KSR2: variants seen among roughly 807,000 people sequenced by gnomAD.
The protein encoded by KSR2 is kinase suppressor of ras 2.
In KSR2, 25 loss-of-function variants were observed where a neutral mutation model predicts 107.8. That is an observed-to-expected ratio of 0.23 (90% confidence interval 0.17 to 0.32). KSR2 has a LOEUF of 0.32. KSR2 is among the 10% of genes least tolerant of loss of function. The pLI is 1.00. For missense variants in KSR2, 887 were observed against 1,268.9 expected, an observed-to-expected ratio of 0.70 and a Z score of 4.57; for synonymous variants, 480 against 507.0, an observed-to-expected ratio of 0.95 and a Z score of 0.71.
chr12:117,469,922 C>T (rs1033550836), intron 18 of KSR2, 127 bp from the exon 19 acceptor site: 45 of 744,508 alleles, frequency 6.0e-5, no homozygotes, highest in Non-Finnish European at 9.3e-5. Flanking sequence ...ATCATCCATT[C>T]ATCCATCCAT....
intron 1 of KSR2, among the ~76,000 whole-genome samples, chr12:117,870,901 G>C (rs951685619): frequency 6.6e-6 from 1 of 152,168 alleles, no homozygotes; most frequent in African/African-American, 2.4e-5. Flanking sequence ...GAACAAGAGT[G>C]TACTCAGCCG....
intron 3 of KSR2, among the ~76,000 whole-genome samples, chr12:117,801,828 G>C (rs1217087505): frequency 1.0e-5 from 1 of 96,514 alleles, no homozygotes; most frequent in East Asian, 3.7e-4. Context: ...CAGGGAAGCA[G>C]GAAGTACCGT....
At chr12:117,614,745 T>A (rs1032269501) in intron 5 of KSR2, among the ~76,000 whole-genome samples, 6 of 152,248 alleles carry the variant, frequency 3.9e-5, no homozygotes, top group Non-Finnish European at 8.8e-5. Flanking sequence ...AATTTACGCC[T>A]GTGAAATAAT....
intron 4 of KSR2, among the ~76,000 whole-genome samples, chr12:117,741,928 C>A (rs1888234278): frequency 6.6e-6 from 1 of 152,164 alleles, no homozygotes. Context: ...TATCTCCCCA[C>A]AAGATACTTA....
intron 3 of KSR2, among the ~76,000 whole-genome samples, chr12:117,786,355 G>A (rs1332860768): frequency 1.3e-5 from 2 of 151,804 alleles, no homozygotes; most frequent in East Asian, 1.9e-4. Flanking sequence ...TTTAGGTTCA[G>A]TGGTACATGT....
chr12:117,773,065 G>A (rs772610560), intron 3 of KSR2, among the ~76,000 whole-genome samples: 6 of 152,158 alleles, frequency 3.9e-5, no homozygotes, highest in Non-Finnish European at 7.3e-5. Context: ...TCTCTCTGCC[G>A]AAGCTTCAGC....
At chr12:117,804,201 G>A (rs1172706738) in intron 3 of KSR2, among the ~76,000 whole-genome samples, 3 of 152,126 alleles carry the variant, frequency 2.0e-5, no homozygotes, top group East Asian at 3.9e-4. Context: ...GTGCCACCAC[G>A]CCCGGCTAAT....
At chr12:117,755,159 A>C (rs1423909122) in intron 4 of KSR2, among the ~76,000 whole-genome samples, 1 of 152,224 alleles carries the variant, frequency 6.6e-6, no homozygotes, top group Non-Finnish European at 1.5e-5. Flanking sequence ...CTACTCCCTG[A>C]TGGGGTTTAT....
At chr12:117,674,526 C>T (rs928518207) in intron 4 of KSR2, 26 of 400,534 alleles carry the variant, frequency 6.5e-5, no homozygotes, top group South Asian at 4.4e-4. Flanking sequence ...TTTCCTCCAG[C>T]CCCTGCACCA....
chr12:117,527,302 GACACACACACACACAC>G (rs754390805), intron 12 of KSR2, among the ~76,000 whole-genome samples, 183 bp from the exon 13 acceptor site: 1 of 67,678 alleles, frequency 1.5e-5, no homozygotes, highest in South Asian at 6.1e-4. Flanking sequence ...CACACACACA[GACACACACACACACAC>G]ACACACAGAC....
At chr12:117,542,849 G>T (rs920798177) in intron 9 of KSR2, among the ~76,000 whole-genome samples, 1 of 152,200 alleles carries the variant, frequency 6.6e-6, no homozygotes, top group East Asian at 1.9e-4. Flanking sequence ...GAATCATACA[G>T]TATGTAACCT....
Position 117,738,299 on chromosome 12 carries a change from TACC to T in KSR2, c.986+22709_986+22711del, listed in dbSNP as rs572278527. Among the ~76,000 whole-genome samples, 26 of 152,342 alleles carry T rather than the reference TACC, an allele frequency of 1.7e-4. No individual in the cohort carries two copies. In the South Asian group the frequency reaches 5.4e-3, roughly 32 times the overall value. On this transcript the variant is annotated intron_variant, in intron 4 of 19. Transcript: ENST00000339824. ...ATTAAATAAGAAAACGCATTCTATG[TACC>T]ATCATGCATCACTTAACGACAGGGA...
At chr12:117,624,269 CTTTTGGTGT>C (rs1038900367) in intron 5 of KSR2, among the ~76,000 whole-genome samples, 38 of 152,124 alleles carry the variant, frequency 2.5e-4, no homozygotes, top group Non-Finnish European at 1.2e-4. Context: ...GTTGCCATTG[CTTTTGGTGT>C]TTTAGTCACG....
chr12:117,962,187 T>C (rs565805542), intron 1 of KSR2, among the ~76,000 whole-genome samples: 125 of 148,420 alleles, frequency 8.4e-4, no homozygotes, highest in South Asian at 4.6e-3. Context: ...ACCCTTGCTA[T>C]ACAAGGAGAT....
At chr12:117,468,497 A>T (rs1871264373) in intron 19 of KSR2, among the ~76,000 whole-genome samples, 1 of 152,228 alleles carries the variant, frequency 6.6e-6, no homozygotes, top group African/African-American at 2.4e-5. Flanking sequence ...AGGTTCAGCA[A>T]GCTCAAATGG....
chr12:117,944,303 G>A (rs1006643344), intron 1 of KSR2, among the ~76,000 whole-genome samples: 7 of 152,296 alleles, frequency 4.6e-5, no homozygotes, highest in Admixed American at 3.9e-4. Flanking sequence ...TTGAACCCGG[G>A]AGACGGAGGT....
rs1442234308 is a variant in KSR2 at position 117,463,623 on chromosome 12, A to C, written c.*3576T>G. On this transcript the variant is annotated 3_prime_UTR_variant, in exon 20 of 20. Coordinates refer to ENST00000339824, the MANE Select transcript of KSR2 (RefSeq NM_173598.6). ...AATATTATTCTTTTGATTTTTCCTC[A>C]ATTAAAACATGTAAAAACCATTTGG... The C allele has an allele frequency of 6.6e-6, 1 of 152,188 alleles. No homozygotes were observed. The highest frequency in any genetic ancestry group is 1.5e-5 in the Non-Finnish European group (1 of 68,042). The allele number at this position is 152,188 out of a possible 1,614,324, so 9.4% of individuals were successfully genotyped here.
At chr12:117,923,259 T>C (rs1390446511) in intron 1 of KSR2, among the ~76,000 whole-genome samples, 1 of 152,174 alleles carries the variant, frequency 6.6e-6, no homozygotes, top group Non-Finnish European at 1.5e-5. Context: ...AAATAAGGTG[T>C]CTTTAAACAG....
intron 1 of KSR2, among the ~76,000 whole-genome samples, chr12:117,933,477 C>T (rs1411025000): frequency 6.6e-6 from 1 of 151,906 alleles, no homozygotes; most frequent in African/African-American, 2.4e-5. Context: ...GTGGTCCCAG[C>T]TACTTGGGAG....
Sources: gnomAD v4.1 joint callset for allele counts (sites outside exome capture counted in the v4.1 genomes callset) on GRCh38, gnomAD v4.1.1 for gene constraint, MANE v1.5 for transcripts, NCBI Gene and HGNC (gene_info 2026-07-23, HGNC 2026-07-21) for gene names.